The following CBFA2T3 variants were observed in gnomAD, a reference collection of about 807,000 sequenced individuals.
CBFA2T3 encodes the protein CBFA2/RUNX1 partner transcriptional co-repressor 3, also known as transcriptional corepressor CBFA2T3.
CBFA2T3 carries 31 observed loss-of-function variants against 58.6 expected under a neutral mutation model. The observed-to-expected ratio is 0.53, with a 90% CI of 0.40 to 0.71. The LOEUF (loss-of-function observed/expected upper bound fraction) is 0.71, where lower values mean the gene tolerates loss of function less well. Among genes scored for constraint, CBFA2T3 ranks in the 30% least tolerant of loss-of-function variants. The pLI is 0.00. For missense variants in CBFA2T3, 1,076 were observed against 963.1 expected (o/e 1.12, Z -1.55); for synonymous variants, 531 against 421.9 (o/e 1.26, Z -3.17).
intron 3 of CBFA2T3, among the ~76,000 whole-genome samples, chr16:88,894,878 C>CCTGGG (rs1259124807): frequency 4.6e-5 from 7 of 152,354 alleles, no homozygotes. Flanking sequence ...TGGAGACGCC[C>CCTGGG]CTGGGCTGGG....
intron 1 of CBFA2T3, among the ~76,000 whole-genome samples, chr16:88,934,010 A>G (rs76480391): frequency 0.038 from 5,735 of 152,300 alleles, 391 homozygotes; most frequent in African/African-American, 0.13. Flanking sequence ...TTTTGGACAC[A>G]CTGGGTTAAG....
Position 88,876,228 on chromosome 16 carries a change from C to T in CBFA2T3, c.*748G>A, listed in dbSNP as rs952337049. On this transcript the variant is annotated 3_prime_UTR_variant, in exon 12 of 12. Coordinates refer to ENST00000268679, the MANE Select transcript of CBFA2T3 (RefSeq NM_005187.6). Reference sequence around the variant, plus strand: ...AGCAAGGTAGTTCACAAGTATGCTTCCTTTGCTTTTTTAAAAAAACTTTTT... The same window carrying T: ...AGCAAGGTAGTTCACAAGTATGCTTTCTTTGCTTTTTTAAAAAAACTTTTT... The T allele has an allele frequency of 4.3e-6, 1 of 230,494 alleles. No homozygotes were observed. The highest frequency in any genetic ancestry group is 1.8e-4 in the South Asian group (1 of 5,516). The allele number at this position is 230,494 out of a possible 1,614,324, so 14.3% of individuals were successfully genotyped here.
chr16:88,895,842 C>T (rs1197279409), intron 3 of CBFA2T3, among the ~76,000 whole-genome samples: 1 of 152,202 alleles, frequency 6.6e-6, no homozygotes, highest in African/African-American at 2.4e-5. Context: ...GAGTGAGGAC[C>T]GGCCGCCAGG....
intron 4 of CBFA2T3, 49 bp from the exon 5 acceptor site, chr16:88,892,020 C>T: frequency 6.7e-7 from 1 of 1,495,124 alleles, no homozygotes; most frequent in Admixed American, 1.7e-5. Context: ...GGCATGTGAG[C>T]CAGCGCCGAC....
intron 8 of CBFA2T3, 135 bp downstream of exon 8, chr16:88,882,541 T>C (rs998578929): frequency 1.7e-5 from 11 of 659,732 alleles, no homozygotes; most frequent in Non-Finnish European, 3.0e-5. Flanking sequence ...CATGGCTGTG[T>C]GCATGGGTGT....
intron 1 of CBFA2T3, among the ~76,000 whole-genome samples, chr16:88,925,297 G>A (rs947378103): frequency 3.3e-5 from 5 of 152,212 alleles, no homozygotes; most frequent in African/African-American, 1.2e-4. Context: ...GCTCGGGGGA[G>A]ACCCACAAGG....
rs375042494 is a variant in CBFA2T3 at position 88,898,191 on chromosome 16, C to T, written c.305-39G>A. 638 of 1,516,204 alleles carry T rather than the reference C, an allele frequency of 4.2e-4. 1 individual carries two copies. Among genetic ancestry groups the T allele is most frequent in the Non-Finnish European group, 5.2e-4 (571 of 1,095,032 alleles). 93.9% of individuals were successfully genotyped at this position (1,516,204 alleles called of 1,614,324 possible). Reference sequence around the variant, plus strand: ...AAGAAGAACACGCTGTCAGGAGGGGCGTGGGCAGGAGACTCTGCCCTCAGG... The same window carrying T: ...AAGAAGAACACGCTGTCAGGAGGGGTGTGGGCAGGAGACTCTGCCCTCAGG... On this transcript the variant is annotated intron_variant, in intron 2 of 11. Coordinates refer to ENST00000268679, the MANE Select transcript of CBFA2T3 (RefSeq NM_005187.6).
chr16:88,903,957 C>T (rs1432378008), intron 1 of CBFA2T3, among the ~76,000 whole-genome samples: 2 of 152,354 alleles, frequency 1.3e-5, no homozygotes, highest in Admixed American at 6.5e-5. Flanking sequence ...GAGCTGGTGC[C>T]GGGCGCTGGA....
chr16:88,934,525 C>T (rs970407805), intron 1 of CBFA2T3, among the ~76,000 whole-genome samples: 1 of 152,226 alleles, frequency 6.6e-6, no homozygotes. Flanking sequence ...GGGCGACAGG[C>T]GAGGCTCCAT....
chr16:88,885,332 A>G lies in CBFA2T3; in HGVS notation c.894-63T>C, dbSNP rs1373907605. 5.0e-6 allele frequency: 6 copies of G among 1,189,008 alleles called. No homozygotes were observed. Among genetic ancestry groups the G allele is most frequent in the Non-Finnish European group, 6.9e-6 (6 of 871,506 alleles). 73.7% of individuals were successfully genotyped at this position (1,189,008 alleles called of 1,614,324 possible). On this transcript the variant is annotated intron_variant, in intron 6 of 11. Coordinates refer to ENST00000268679, the MANE Select transcript of CBFA2T3 (RefSeq NM_005187.6). This position sits in a 1 kb window ranked among gnomAD's most constrained non-coding sequence, Gnocchi z 5.3. Reference sequence around the variant, plus strand: ...TAGGATGAACCGGGGACAGAGGTGCAGGTGGGGTGAGAGGCAGACAGGCAA... The same window carrying G: ...TAGGATGAACCGGGGACAGAGGTGCGGGTGGGGTGAGAGGCAGACAGGCAA...
At position 88,881,286 on chromosome 16, in the gene CBFA2T3, C is replaced by G. The variant is rs182111221; in HGVS notation, c.1402+5G>C. On this transcript the variant is annotated splice_donor_5th_base_variant and intron_variant, in intron 9 of 11. Coordinates refer to ENST00000268679, the MANE Select transcript of CBFA2T3 (RefSeq NM_005187.6). ...CTGCTCCCTCCCCCCACACCCCACA[C>G]GCACCTAGCTGAGGCCCTTCGGGAC... 2.5e-6 allele frequency: 4 copies of G among 1,594,192 alleles called. No individual in the cohort carries two copies. Among genetic ancestry groups the G allele is most frequent in the Non-Finnish European group, 3.4e-6 (4 of 1,171,946 alleles).
intron 5 of CBFA2T3, among the ~76,000 whole-genome samples, chr16:88,888,741 C>G (rs74035883): frequency 6.6e-6 from 1 of 151,582 alleles, no homozygotes; most frequent in African/African-American, 2.4e-5. Context: ...TCCTCCTGGC[C>G]TCCCCCTAGA....
At chr16:88,885,000 G>A (rs751694574) in intron 7 of CBFA2T3, 46 bp downstream of exon 7, 38 of 1,430,862 alleles carry the variant, frequency 2.7e-5, no homozygotes, top group Non-Finnish European at 3.6e-5. Flanking sequence ...GCGCATGTGT[G>A]CTCCTGTAAC....
chr16:88,976,378 T>C (rs937425099), intron 1 of CBFA2T3, among the ~76,000 whole-genome samples: 1 of 147,154 alleles, frequency 6.8e-6, no homozygotes, highest in Non-Finnish European at 1.5e-5. Context: ...CCCACCCTCC[T>C]AGACGGGGCT....
intron 1 of CBFA2T3, chr16:88,957,639 C>G (rs946769449): frequency 6.6e-6 from 1 of 152,230 alleles, no homozygotes; most frequent in Non-Finnish European, 1.5e-5. Context: ...GACTGTCAGC[C>G]GAGCACAGAT....
In CBFA2T3 at chr16:88,975,382, C is replaced by T. The variant is rs185803887; in HGVS notation, c.151+1275G>A. On this transcript the variant is annotated intron_variant, in intron 1 of 11. Transcript: ENST00000268679. ...AGTAGACGCCCCCATCCTAACAAAGCGGCGGCTCTCCATGCGCCTCAGAGC... is the reference window on the plus strand; with the variant it reads ...AGTAGACGCCCCCATCCTAACAAAGTGGCGGCTCTCCATGCGCCTCAGAGC... Among the ~76,000 whole-genome samples, 102 of 152,340 alleles carry T rather than the reference C, an allele frequency of 6.7e-4. No individual in the cohort carries two copies. In the East Asian group the frequency reaches 0.016, roughly 24 times the overall value.
rs149930228 is a variant in CBFA2T3, at chr16:88,890,658, C to T, written c.711+1224G>A. ...CTCCACGGCACTCCCGTGCCCGTCC[C>T]GTCTGTGTGTGCGTGGGAATCACTC... is the stretch of plus-strand genomic sequence containing the variant. On this transcript the variant is annotated intron_variant, in intron 5 of 11. Coordinates refer to ENST00000268679, the MANE Select transcript of CBFA2T3 (RefSeq NM_005187.6). Among the ~76,000 whole-genome samples the T allele has an allele frequency of 3.7e-3, 570 of 152,340 alleles. 5 individuals carry two copies. The highest frequency in any genetic ancestry group is 0.013 in the African/African-American group (530 of 41,568).
chr16:88,976,564 G>A (rs1419544506), intron 1 of CBFA2T3, 93 bp downstream of exon 1: 4 of 964,182 alleles, frequency 4.1e-6, no homozygotes, highest in African/African-American at 1.6e-5. Flanking sequence ...CAACTAAGCT[G>A]GGCAGGCCCC....
chr16:88,956,981 C>T (rs958172649), intron 1 of CBFA2T3, among the ~76,000 whole-genome samples: 3 of 142,446 alleles, frequency 2.1e-5, no homozygotes, highest in Admixed American at 1.4e-4. Context: ...CCGGAGACTG[C>T]GGCAGCCTGA....
Sources: allele counts gnomAD v4.1 joint callset (sites outside exome capture counted in the v4.1 genomes callset), GRCh38; gene constraint gnomAD v4.1.1; non-coding constraint Gnocchi (gnomAD v3.1); transcripts MANE v1.5; gene names NCBI Gene and HGNC (gene_info 2026-07-23, HGNC 2026-07-21).